Variants in ITPR1 observed in about 807,000 individuals in gnomAD.
ITPR1 encodes the protein inositol 1,4,5-trisphosphate receptor type 1.
ITPR1 carries 96 observed loss-of-function variants against 318.4 expected under a neutral mutation model. The observed-to-expected ratio is 0.30, with a 90% CI of 0.26 to 0.36. The LOEUF (loss-of-function observed/expected upper bound fraction) is 0.36. ITPR1 is among the 10% of genes least tolerant of loss of function. ITPR1 has a pLI of 1.00. For missense variants in ITPR1, 2,440 were observed against 3,460.2 expected (o/e 0.71, Z 7.40); for synonymous variants, 1,312 against 1,289.9 (o/e 1.02, Z -0.37).
intron 44 of ITPR1, 56 bp from the exon 45 acceptor site, chr3:4,766,474 G>A (rs1327524748): frequency 8.2e-6 from 12 of 1,463,434 alleles, no homozygotes; most frequent in African/African-American, 2.8e-5. Flanking sequence ...TGTCATGAGT[G>A]GGGTGCAGTT....
chr3:4,630,118 A>T (rs1178989912), intron 5 of ITPR1, among the ~76,000 whole-genome samples: 1 of 152,226 alleles, frequency 6.6e-6, no homozygotes, highest in Non-Finnish European at 1.5e-5. Context: ...GTAATAAATT[A>T]TATAGTAAAT....
chr3:4,756,035 T>G (rs183012818), intron 44 of ITPR1, among the ~76,000 whole-genome samples: 1 of 152,298 alleles, frequency 6.6e-6, no homozygotes, highest in East Asian at 1.9e-4. Flanking sequence ...AAAAGTTTCT[T>G]GTTAGGGTGA....
intron 52 of ITPR1, among the ~76,000 whole-genome samples, chr3:4,789,250 G>T (rs555240792): frequency 6.6e-6 from 1 of 152,172 alleles, no homozygotes. Context: ...TGACCGAGGG[G>T]CCAGGGGACC....
intron 4 of ITPR1, among the ~76,000 whole-genome samples, chr3:4,606,853 C>G (rs908491146): frequency 1.3e-5 from 2 of 152,006 alleles, no homozygotes; most frequent in African/African-American, 4.8e-5. Flanking sequence ...TCACAAGTTT[C>G]TGGCAGAGGG....
At chr3:4,654,542 G>A (rs1215396987) in intron 12 of ITPR1, among the ~76,000 whole-genome samples, 3 of 152,206 alleles carry the variant, frequency 2.0e-5, no homozygotes, top group Non-Finnish European at 4.4e-5. Flanking sequence ...TGTGTTACAT[G>A]GAAAGGGTGG....
At position 4,706,176 on chromosome 3, in the gene ITPR1, G is replaced by A. The variant is rs2094753036; in HGVS notation, c.4667G>A (p.Arg1556Gln). 3 of 1,613,982 alleles carry A rather than the reference G, an allele frequency of 1.9e-6. No homozygotes were observed. Among genetic ancestry groups the A allele is most frequent in the East Asian group, 2.2e-5 (1 of 44,880 alleles). Residue 1556 changes from arginine (R) to glutamine (Q), a missense_variant, in exon 37 of 62, where the codon CGG (arginine) becomes CAG (glutamine). Around this residue, in one of 23 missense-constraint regions of ITPR1, gnomAD observed 166 missense variants for 246.5 expected, o/e 0.67. Coordinates refer to ENST00000649015, the MANE Select transcript of ITPR1 (RefSeq NM_001378452.1). Reference protein sequence around the residue: ...IRVLSDVAKSRAIAIPVDLDS... With the variant: ...IRVLSDVAKSQAIAIPVDLDS... ...TCTTTCTCCTGTGCAGCCAAGAGCC[G>A]GGCCATTGCCATTCCCGTGGACCTG...
intron 53 of ITPR1, among the ~76,000 whole-genome samples, chr3:4,797,390 T>C (rs1184296055): frequency 6.6e-6 from 1 of 152,202 alleles, no homozygotes; most frequent in East Asian, 1.9e-4. Flanking sequence ...ATTTGTTGCA[T>C]CCTAAAGGCA....
chr3:4,686,264 A>G (rs1472033396), intron 30 of ITPR1, among the ~76,000 whole-genome samples: 2 of 152,168 alleles, frequency 1.3e-5, no homozygotes, highest in Non-Finnish European at 2.9e-5. Flanking sequence ...GAAATTTCCT[A>G]TGAAAGGATC....
chr3:4,582,660 A>C (rs181115177), intron 4 of ITPR1, among the ~76,000 whole-genome samples: 2 of 152,364 alleles, frequency 1.3e-5, no homozygotes, highest in Admixed American at 1.3e-4. Flanking sequence ...TGACTGGACA[A>C]CGTATTCTTT....
At chr3:4,549,243 A>C (rs6792272) in intron 4 of ITPR1, among the ~76,000 whole-genome samples, 2 of 152,064 alleles carry the variant, frequency 1.3e-5, no homozygotes, top group Admixed American at 1.3e-4. Context: ...TGACAGGGGT[A>C]TTTAGTAATC....
chr3:4,814,215 G>A, intron 57 of ITPR1: 1 of 586,816 alleles, frequency 1.7e-6, no homozygotes, highest in Admixed American at 2.6e-5. Context: ...TACCATAGCT[G>A]GAGAAATTAG....
intron 60 of ITPR1, among the ~76,000 whole-genome samples, chr3:4,824,175 G>A (rs1187670980): frequency 6.6e-6 from 1 of 152,200 alleles, no homozygotes; most frequent in Non-Finnish European, 1.5e-5. Context: ...GAATGCACCA[G>A]CGCTGCCGTT....
chr3:4,692,513 C>G (rs1470724122), intron 32 of ITPR1, among the ~76,000 whole-genome samples: 1 of 152,168 alleles, frequency 6.6e-6, no homozygotes, highest in African/African-American at 2.4e-5. Context: ...AAGAGTTTAT[C>G]TTGGTATCTG....
At chr3:4,527,567 G>A (rs1471947416) in intron 4 of ITPR1, among the ~76,000 whole-genome samples, 5 of 152,196 alleles carry the variant, frequency 3.3e-5, no homozygotes, top group African/African-American at 4.8e-5. Flanking sequence ...TAGTGCAAAC[G>A]AGGGTCTGGC....
chr3:4,526,349 G>A (rs1365122429), intron 4 of ITPR1, among the ~76,000 whole-genome samples: 2 of 152,228 alleles, frequency 1.3e-5, no homozygotes, highest in African/African-American at 4.8e-5. Context: ...GACTGAATAT[G>A]TGGATGTTCC....
chr3:4,816,699 C>G (rs564234060), intron 59 of ITPR1, among the ~76,000 whole-genome samples: 1 of 152,144 alleles, frequency 6.6e-6, no homozygotes. Context: ...GTGATACTAA[C>G]GTTGATCATT....
rs956891842 is a variant in ITPR1, at chr3:4,789,722, C to T, written c.6808+1583C>T. ...GCAACCTCCACCTCCCGGGTTCAAG[C>T]GATTCCCCTGCCTTAGCCTCCTGAG... On this transcript the variant is annotated intron_variant, in intron 52 of 61. Coordinates refer to ENST00000649015, the MANE Select transcript of ITPR1 (RefSeq NM_001378452.1). Among the ~76,000 whole-genome samples, 8 of 152,206 alleles carry T rather than the reference C, an allele frequency of 5.3e-5. No homozygotes were observed. The East Asian group carries it at 9.6e-4, about 18-fold the overall frequency.
rs781212876 is a variant in ITPR1 at position 4,673,369 on chromosome 3, C to T, written c.2438C>T (p.Ser813Leu). The T allele has an allele frequency of 5.6e-6, 9 of 1,608,394 alleles. No individual in the cohort carries two copies. Among genetic ancestry groups the T allele is most frequent in the South Asian group, 2.2e-5 (2 of 90,806 alleles). The change falls in exon 21 of 62, where the codon TCG (serine) becomes TTG (leucine). Residue 813 changes from serine to leucine, a missense_variant. Ser to Leu is a moderately radical substitution (Grantham distance 145). Transcript: ENST00000649015. Reference sequence around the variant, plus strand: ...GCCCGCCTCTGGTCGGAGATTCCCTCGGAGATCGCCATTGACGAGTGAGCC... The same window carrying T: ...GCCCGCCTCTGGTCGGAGATTCCCTTGGAGATCGCCATTGACGAGTGAGCC... ...KYARLWSEIPSEIAIDDYDSS... is the reference protein window; with the variant it reads ...KYARLWSEIPLEIAIDDYDSS...
At chr3:4,555,581 A>G (rs1048272133) in intron 4 of ITPR1, among the ~76,000 whole-genome samples, 1 of 152,222 alleles carries the variant, frequency 6.6e-6, no homozygotes, top group Non-Finnish European at 1.5e-5. Context: ...GCTAAAAATA[A>G]GTGGGTTATG....
Sources: allele counts gnomAD v4.1 joint callset (sites outside exome capture counted in the v4.1 genomes callset), GRCh38; gene constraint gnomAD v4.1.1; regional missense constraint gnomAD v4.1.1; transcripts MANE v1.5; gene names NCBI Gene and HGNC (gene_info 2026-07-23, HGNC 2026-07-21).